Variants in C14orf132 observed in about 807,000 individuals in gnomAD.
C14orf132 encodes the protein uncharacterized protein C14orf132.
Under a neutral mutation model 5.8 loss-of-function variants are expected in C14orf132, and 6 were observed. That is an observed-to-expected ratio of 1.03 (90% CI 0.57 to 2.04). C14orf132 has a LOEUF of 2.04. C14orf132 is among the 30% of genes most tolerant of loss of function. C14orf132 has a pLI of 0.00. For missense variants in C14orf132, 125 were observed against 115.8 expected (o/e 1.08, Z -0.37); for synonymous variants, 51 against 49.8 (o/e 1.02, Z -0.10).
At chr14:96,052,297 C>A (rs1887051395) in intron 1 of C14orf132, among the ~76,000 whole-genome samples, 1 of 152,250 alleles carries the variant, frequency 6.6e-6, no homozygotes, top group Non-Finnish European at 1.5e-5. Context: ...TCCCACGACT[C>A]AGACAGGCTG....
chr14:96,070,413 G>A (rs1400299589), intron 1 of C14orf132, among the ~76,000 whole-genome samples: 5 of 152,006 alleles, frequency 3.3e-5, no homozygotes, highest in Non-Finnish European at 5.9e-5. Context: ...TTCTCCTTCT[G>A]CACCGTCTAA....
intron 1 of C14orf132, among the ~76,000 whole-genome samples, chr14:96,047,533 T>C (rs1886862732): frequency 6.6e-6 from 1 of 152,140 alleles, no homozygotes; most frequent in African/African-American, 2.4e-5. Context: ...ACAGCTACCA[T>C]TCAACAGATG....
In C14orf132 at chr14:96,049,497, C is replaced by T. The variant is rs912102953; in HGVS notation, c.27+9970C>T. ...ATGTGTATATATATGCATATATATA[C>T]GTATATATACGTATATACGTATATA... On this transcript the variant is annotated intron_variant, in intron 1 of 1. Transcript: ENST00000555004. 1.1e-4 allele frequency among the ~76,000 whole-genome samples: 15 copies of T among 141,674 alleles called. No homozygotes were observed. The East Asian group carries it at 2.8e-3, about 27-fold the overall frequency. 92.9% of individuals were successfully genotyped at this position (141,674 alleles called of 152,430 possible).
chr14:96,078,447 T>C (rs1887937688), intron 1 of C14orf132, among the ~76,000 whole-genome samples: 1 of 152,220 alleles, frequency 6.6e-6, no homozygotes, highest in African/African-American at 2.4e-5. Context: ...AGTAAGCTCA[T>C]GATGCCTGTC....
At chr14:96,050,142 C>A (rs1888137274) in intron 1 of C14orf132, among the ~76,000 whole-genome samples, 1 of 152,114 alleles carries the variant, frequency 6.6e-6, no homozygotes. Flanking sequence ...GCTTTACATG[C>A]CTGATAATTC....
chr14:96,041,090 T>C (rs1435164203), intron 1 of C14orf132, among the ~76,000 whole-genome samples: 1 of 152,242 alleles, frequency 6.6e-6, no homozygotes, highest in Non-Finnish European at 1.5e-5. Flanking sequence ...TTTTCCTTTT[T>C]TGTTTACAAT....
At chr14:96,047,365 TC>T in intron 1 of C14orf132, among the ~76,000 whole-genome samples, 1 of 152,286 alleles carries the variant, frequency 6.6e-6, no homozygotes, top group East Asian at 1.9e-4. Context: ...ATGGCCAGTC[TC>T]CAATGAAATG....
Position 96,086,943 on chromosome 14 carries a change from T to C in C14orf132, c.*208T>C. 1.6e-6 allele frequency: 1 copy of C among 607,712 alleles called. No homozygotes were observed. The highest frequency in any genetic ancestry group is 4.5e-4 in the Middle Eastern group (1 of 2,224). 37.6% of individuals were successfully genotyped at this position (607,712 alleles called of 1,614,324 possible). On this transcript the variant is annotated 3_prime_UTR_variant, in exon 2 of 2. Coordinates refer to ENST00000555004, the MANE Select transcript of C14orf132 (RefSeq NM_001252507.3). ...AGAAGACATGGAAGTATGGGCCTCCTGCCCCTAGAGGCATGACGGGGCAAG... is the reference window on the plus strand; with the variant it reads ...AGAAGACATGGAAGTATGGGCCTCCCGCCCCTAGAGGCATGACGGGGCAAG...
At chr14:96,073,192 T>A (rs916358740) in intron 1 of C14orf132, among the ~76,000 whole-genome samples, 10 of 152,224 alleles carry the variant, frequency 6.6e-5, no homozygotes, top group African/African-American at 2.2e-4. Flanking sequence ...TGTGTAGTGT[T>A]ATCTCATAGT....
At chr14:96,063,731 T>C (rs756854163) in intron 1 of C14orf132, among the ~76,000 whole-genome samples, 4 of 152,102 alleles carry the variant, frequency 2.6e-5, no homozygotes, top group Non-Finnish European at 5.9e-5. Context: ...GGGACCTAAT[T>C]ATTCTAAAGA....
At chr14:96,058,762 C>T (rs573404559) in intron 1 of C14orf132, among the ~76,000 whole-genome samples, 2 of 152,340 alleles carry the variant, frequency 1.3e-5, no homozygotes, top group South Asian at 4.1e-4. Context: ...CCTGGCCCAG[C>T]TCTCCCAGGT....
rs1421598972 is a variant in C14orf132 at position 96,090,640 on chromosome 14, C to T, written c.*3905C>T. On this transcript the variant is annotated 3_prime_UTR_variant, in exon 2 of 2. Transcript: ENST00000555004. ...GGCAAATAAGACTCCCTGCTCCACT[C>T]TACCCCCCAGAGAGAAATGATTCTC... The T allele has an allele frequency of 4.4e-6, 2 of 456,070 alleles. No individual in the cohort carries two copies. Among genetic ancestry groups the T allele is most frequent in the East Asian group, 1.4e-4 (2 of 14,384 alleles). 28.3% of individuals were successfully genotyped at this position (456,070 alleles called of 1,614,324 possible).
At chr14:96,074,521 A>G (rs113001659) in intron 1 of C14orf132, among the ~76,000 whole-genome samples, 1,581 of 146,476 alleles carry the variant, frequency 0.011, 5 homozygotes, top group Middle Eastern at 0.018. Flanking sequence ...TCTAAGATCC[A>G]TTTTGAGTTT....
At chr14:96,085,022 G>T (rs1427828525) in intron 1 of C14orf132, among the ~76,000 whole-genome samples, 1 of 152,198 alleles carries the variant, frequency 6.6e-6, no homozygotes, top group Non-Finnish European at 1.5e-5. Flanking sequence ...AGCCCATGGG[G>T]CTGCATGCAG....
intron 1 of C14orf132, among the ~76,000 whole-genome samples, chr14:96,065,967 G>T (rs1410167938): frequency 6.6e-6 from 1 of 152,060 alleles, no homozygotes. Context: ...CTCTTGCTTT[G>T]CTTGACCGCT....
At chr14:96,068,418 C>T (rs768062315) in intron 1 of C14orf132, among the ~76,000 whole-genome samples, 1 of 152,174 alleles carries the variant, frequency 6.6e-6, no homozygotes, top group Non-Finnish European at 1.5e-5. Flanking sequence ...CGTGCCCGTC[C>T]AGCGGGCACT....
intron 1 of C14orf132, among the ~76,000 whole-genome samples, chr14:96,064,032 T>G (rs184756419): frequency 6.6e-6 from 1 of 152,184 alleles, no homozygotes; most frequent in Admixed American, 6.5e-5. Flanking sequence ...GATACCACCT[T>G]ATTCCTGCAA....
chr14:96,063,953 C>A (rs1242916363), intron 1 of C14orf132, among the ~76,000 whole-genome samples: 10 of 152,120 alleles, frequency 6.6e-5, no homozygotes, highest in African/African-American at 2.4e-4. Context: ...ATGCAAATGG[C>A]CAACAAACAT....
intron 1 of C14orf132, 35 bp from the exon 2 acceptor site, chr14:96,086,476 T>A (rs188255144): frequency 2.0e-6 from 3 of 1,523,576 alleles, no homozygotes; most frequent in Non-Finnish European, 2.6e-6. Context: ...CAAGCCCCCA[T>A]GGCCCTGGAT....
Sources: gnomAD v4.1 joint callset for allele counts (sites outside exome capture counted in the v4.1 genomes callset) on GRCh38, gnomAD v4.1.1 for gene constraint, MANE v1.5 for transcripts, NCBI Gene and HGNC (gene_info 2026-07-23, HGNC 2026-07-21) for gene names.